PKN3: variants seen among roughly 807,000 people sequenced by gnomAD.
PKN3 encodes protein kinase N3.
In PKN3, 91 loss-of-function variants were observed where a neutral mutation model predicts 113.1. The observed-to-expected ratio is 0.80, with a 90% CI of 0.68 to 0.96. The LOEUF is 0.96. Among genes scored for constraint, PKN3 ranks in the 40% least tolerant of loss-of-function variants. PKN3 has a pLI of 0.00. For synonymous variants in PKN3, 467 were observed against 499.0 expected, an observed-to-expected ratio of 0.94 and a Z score of 0.85; for missense variants, 1,052 against 1,202.2, an observed-to-expected ratio of 0.88 and a Z score of 1.85.
chr9:128,718,550 G>T lies in PKN3; in HGVS notation c.2050G>T (p.Asp684Tyr). 1 of 1,614,018 alleles carries T rather than the reference G, an allele frequency of 6.2e-7. No homozygotes were observed. The highest frequency in any genetic ancestry group is 8.5e-7 in the Non-Finnish European group (1 of 1,179,996). The change falls in exon 18 of 22, where the codon GAC becomes TAC. Residue 684 changes from aspartate (D) to tyrosine (Y), a missense_variant and splice_region_variant. This residue lies in a region of PKN3 where 333 missense variants were observed against 442.8 expected (regional missense o/e 0.75). Coordinates refer to ENST00000291906, the MANE Select transcript of PKN3 (RefSeq NM_013355.5). ...TTTGATCTGCACCCTTGCCCTCAGG[G>T]ACCTGAAGTTGGATAACCTTCTGCT... ...FLHEKKIIYR[D>Y]LKLDNLLLDA...
At position 128,716,411 on chromosome 9, in the gene PKN3, A is replaced by G. The variant is rs539958268; in HGVS notation, c.1809-336A>G. On this transcript the variant is annotated intron_variant, in intron 15 of 21. Coordinates refer to ENST00000291906, the MANE Select transcript of PKN3 (RefSeq NM_013355.5). ...CCAAGAGTTCGAGACCAGCCTGGGCAACACAGCGAAACCCTGCGTCTACTA... is the reference window on the plus strand; with the variant it reads ...CCAAGAGTTCGAGACCAGCCTGGGCGACACAGCGAAACCCTGCGTCTACTA... 7.9e-5 allele frequency among the ~76,000 whole-genome samples: 12 copies of G among 151,272 alleles called. No homozygotes were observed. In the East Asian group the frequency reaches 2.3e-3, roughly 29 times the overall value.
At position 128,714,090 on chromosome 9, in the gene PKN3, G is replaced by C. The variant is rs1375939033; in HGVS notation, c.1281G>C (p.Gln427His). 1.9e-6 allele frequency: 3 copies of C among 1,614,004 alleles called. No individual in the cohort carries two copies. In the African/African-American group the frequency reaches 4.0e-5, roughly 22 times the overall value. Residue 427 changes from glutamine (Q) to histidine (H), a missense_variant, in exon 10 of 22, where the codon CAG becomes CAC. Transcript: ENST00000291906. ...DPVIERRPRL[Q>H]RQERIFSKRR... is the part of the protein sequence containing the mutation. Reference sequence around the variant, plus strand: ...TCATTGAGAGGCGGCCCCGGCTGCAGAGGCAGGAACGCATCTTCTCTAAAC... The same window carrying C: ...TCATTGAGAGGCGGCCCCGGCTGCACAGGCAGGAACGCATCTTCTCTAAAC...
Position 128,713,132 on chromosome 9 carries a change from A to C in PKN3, c.916A>C (p.Ser306Arg), listed in dbSNP as rs140830817. The change falls in exon 7 of 22, where the codon AGC (serine) becomes CGC (arginine). Residue 306 changes from serine (S) to arginine (R), a missense_variant. By Grantham distance (110) the Ser-to-Arg change is moderately radical. This residue lies in a region of PKN3 where 719 missense variants were observed against 759.4 expected (regional missense o/e 0.95). Transcript: ENST00000291906. Reference sequence around the variant, plus strand: ...GCGCTCCCCAGCGGCCGCACTGGCCAGCAGCCCCTCCGAGGGCTGGCTTCG... The same window carrying C: ...GCGCTCCCCAGCGGCCGCACTGGCCCGCAGCCCCTCCGAGGGCTGGCTTCG... Reference protein sequence around the residue: ...PGRSPAAALASSPSEGWLRTK... With the variant: ...PGRSPAAALARSPSEGWLRTK... 3.4e-4 allele frequency: 552 copies of C among 1,611,806 alleles called. 1 individual carries two copies. In the African/African-American group the frequency reaches 6.8e-3, roughly 20 times the overall value.
chr9:128,716,964 T>C (rs756556362), intron 16 of PKN3, 41 bp downstream of exon 16: 1 of 1,581,720 alleles, frequency 6.3e-7, no homozygotes, highest in East Asian at 2.2e-5. Flanking sequence ...CAGCAAACTT[T>C]GCCTGGTTCC....
Position 128,720,479 on chromosome 9 carries a change from T to C in PKN3, c.2543T>C (p.Phe848Ser), listed in dbSNP as rs1862505074. Residue 848 changes from phenylalanine to serine, a missense_variant, in exon 22 of 22, where the codon TTT (phenylalanine) becomes TCT (serine). Coordinates refer to ENST00000291906, the MANE Select transcript of PKN3 (RefSeq NM_013355.5). This position sits in a 1 kb window ranked among gnomAD's most constrained non-coding sequence, Gnocchi z 5.5. ...TLCGPADLRYFEGEFTGLPPA... is the reference protein window; with the variant it reads ...TLCGPADLRYSEGEFTGLPPA... ...TGTGGCCCTGCGGACCTGCGCTACT[T>C]TGAGGGCGAGTTCACAGGGCTGCCG... The C allele has an allele frequency of 6.2e-7, 1 of 1,613,138 alleles. No homozygotes were observed. The highest frequency in any genetic ancestry group is 8.5e-7 in the Non-Finnish European group (1 of 1,179,958).
Position 128,705,426 on chromosome 9 carries a change from T to C in PKN3, c.148T>C (p.Leu50=). ...GCGCGTGGCCACAGACCGCCGCCAC[T>C]TGGGCCATGTGCAGCAGCTGCTGCG... ...LRRVATDRRH[L]GHVQQLLRSS... Residue 50 remains leucine, a synonymous_variant, in exon 2 of 22, where the codon TTG becomes CTG. Transcript: ENST00000291906. 3.1e-6 allele frequency: 5 copies of C among 1,592,600 alleles called. No individual in the cohort carries two copies. Among genetic ancestry groups the C allele is most frequent in the Non-Finnish European group, 4.3e-6 (5 of 1,170,184 alleles).
At chr9:128,716,287 GACCCTGTCTCAAAAAAAAAA>G (rs2132323638) in intron 15 of PKN3, among the ~76,000 whole-genome samples, 1 of 109,856 alleles carries the variant, frequency 9.1e-6, no homozygotes, top group African/African-American at 3.6e-5. Context: ...AAGAAAGTGA[GACCCTGTCTCAAAAAAAAAA>G]AAAAAAAAGG....
intron 6 of PKN3, among the ~76,000 whole-genome samples, chr9:128,707,827 C>G (rs1242405826): frequency 6.6e-6 from 1 of 151,940 alleles, no homozygotes; most frequent in Non-Finnish European, 1.5e-5. Flanking sequence ...AATTCCAGCA[C>G]TTTGGGAGGC....
chr9:128,716,891 C>T lies in PKN3; in HGVS notation c.1953C>T (p.Ile651=). Residue 651 remains isoleucine (I), a synonymous_variant, in exon 16 of 22, where the codon ATC becomes ATT. Coordinates refer to ENST00000291906, the MANE Select transcript of PKN3 (RefSeq NM_013355.5). The part of the protein sequence containing the change: ...FVPGGDLMMQ[I]HEDVFPEPQA... The stretch of plus-strand genomic sequence containing the variant: ...CTGGTGGTGACCTCATGATGCAGAT[C>T]CACGAGGATGTCTTCCCCGAGCCCC... The T allele has an allele frequency of 6.2e-7, 1 of 1,613,912 alleles. No homozygotes were observed. Among genetic ancestry groups the T allele is most frequent in the Non-Finnish European group, 8.5e-7 (1 of 1,179,988 alleles).
At chr9:128,718,744 C>G in intron 18 of PKN3, 119 bp downstream of exon 18, 1 of 880,538 alleles carries the variant, frequency 1.1e-6, no homozygotes, top group Non-Finnish European at 1.9e-6. Flanking sequence ...CCTGGTTCCA[C>G]CACCCCAGAC....
intron 9 of PKN3, 108 bp from the exon 10 acceptor site, chr9:128,713,938 G>C (rs1044991618): frequency 1.8e-6 from 2 of 1,125,886 alleles, no homozygotes; most frequent in African/African-American, 1.5e-5. Flanking sequence ...TCTGGCTCTT[G>C]CATCTGTTGA....
chr9:128,703,370 G>T (rs537659173), intron 1 of PKN3: 36 of 985,366 alleles, frequency 3.7e-5, no homozygotes, highest in Middle Eastern at 5.2e-4. Context: ...GTCTGTGCGC[G>T]CTTGGCAGTG....
intron 6 of PKN3, among the ~76,000 whole-genome samples, chr9:128,708,524 C>T (rs1862085797): frequency 6.6e-6 from 1 of 151,042 alleles, no homozygotes; most frequent in Non-Finnish European, 1.5e-5. Context: ...TTTTTTGAGA[C>T]CCAGTCTCAA....
intron 10 of PKN3, 35 bp from the exon 11 acceptor site, chr9:128,714,162 G>A: frequency 6.2e-7 from 1 of 1,613,966 alleles, no homozygotes; most frequent in Non-Finnish European, 8.5e-7. Flanking sequence ...GAGCAGGGCT[G>A]GGGTCCCGGG....
intron 1 of PKN3, 123 bp downstream of exon 1, chr9:128,703,062 C>G: frequency 4.4e-6 from 3 of 681,356 alleles, no homozygotes; most frequent in South Asian, 2.4e-5. Flanking sequence ...CTTCCCTGCC[C>G]CTGCCCTGGC....
Position 128,715,172 on chromosome 9 carries a change from G to T in PKN3, c.1653G>T (p.Arg551Ser), listed in dbSNP as rs200442875. 221 of 1,614,018 alleles carry T rather than the reference G, an allele frequency of 1.4e-4. No individual in the cohort carries two copies. The highest frequency in any genetic ancestry group is 1.8e-4 in the Non-Finnish European group (216 of 1,179,990). Residue 551 changes from arginine (R) to serine (S), a missense_variant and splice_region_variant, in exon 14 of 22, where the codon AGG (arginine) becomes AGT (serine). By Grantham distance (110) the Arg-to-Ser change is moderately radical (BLOSUM62 -1). Around this residue, in one of 2 missense-constraint regions of PKN3, gnomAD observed 719 missense variants for 759.4 expected, o/e 0.95. Coordinates refer to ENST00000291906, the MANE Select transcript of PKN3 (RefSeq NM_013355.5). The surrounding 1 kb of genome is among the most constrained non-coding windows in gnomAD (Gnocchi z 4.1). Reference protein sequence around the residue: ...RGPSPPASPTRKPPRLQDFRC... With the variant: ...RGPSPPASPTSKPPRLQDFRC... ...TCATATACCCTCTCTTCCTTTGCAG[G>T]AAACCCCCTCGGCTTCAGGACTTCC... is the stretch of plus-strand genomic sequence containing the variant.
Position 128,720,197 on chromosome 9 carries a change from G to A in PKN3, c.2377-6G>A. On this transcript the variant is annotated splice_region_variant and splice_polypyrimidine_tract_variant and intron_variant, in intron 20 of 21. Transcript: ENST00000291906. The surrounding 1 kb of genome is among the most constrained non-coding windows in gnomAD (Gnocchi z 5.5). The stretch of plus-strand genomic sequence containing the variant: ...GCCCTAAGTGAGCGCCTGTCCTATT[G>A]CCCAGCTCCTCCAGAAGTGCCCGGA... The A allele has an allele frequency of 6.2e-7, 1 of 1,613,170 alleles. No homozygotes were observed. Among genetic ancestry groups the A allele is most frequent in the Non-Finnish European group, 8.5e-7 (1 of 1,179,732 alleles).
At chr9:128,713,809 TG>T (rs1862254737) in intron 9 of PKN3, among the ~76,000 whole-genome samples, 167 bp downstream of exon 9, 1 of 152,206 alleles carries the variant, frequency 6.6e-6, no homozygotes, top group Admixed American at 6.5e-5. Context: ...TCTGGAGGCC[TG>T]GGTCCTTGTC....
chr9:128,702,966 G>A (rs1861898109), intron 1 of PKN3, 27 bp downstream of exon 1: 2 of 1,387,514 alleles, frequency 1.4e-6, no homozygotes, highest in Non-Finnish European at 1.9e-6. Flanking sequence ...GGGCGCGCGG[G>A]CCCGGGGGGT....
Sources: allele counts gnomAD v4.1 joint callset (sites outside exome capture counted in the v4.1 genomes callset), GRCh38; gene constraint gnomAD v4.1.1; regional missense constraint gnomAD v4.1.1; non-coding constraint Gnocchi (gnomAD v3.1); transcripts MANE v1.5; gene names NCBI Gene and HGNC (gene_info 2026-07-23, HGNC 2026-07-21).